ETNK2: variants seen among roughly 807,000 people sequenced by gnomAD.
ETNK2 encodes the protein ethanolamine kinase-like protein.
ETNK2 carries 33 observed loss-of-function variants against 46.2 expected under a neutral mutation model. The ratio of observed to expected loss-of-function variants is 0.71; its 90% CI spans 0.54 to 0.96. The LOEUF (loss-of-function observed/expected upper bound fraction) is 0.96. Among genes scored for constraint, ETNK2 ranks in the 40% least tolerant of loss-of-function variants. ETNK2 has a pLI of 0.00. For missense variants in ETNK2, 445 were observed against 509.7 expected (o/e 0.87, Z 1.22); for synonymous variants, 194 against 209.0 (o/e 0.93, Z 0.62).
At chr1:204,142,648 G>A (rs1327334415) in intron 3 of ETNK2, 2 of 152,262 alleles carry the variant, frequency 1.3e-5, no homozygotes. Context: ...TCTCTGTCCA[G>A]GGTAGCAAGA....
chr1:204,138,104 G>A (rs533519856), intron 5 of ETNK2, among the ~76,000 whole-genome samples: 5 of 152,270 alleles, frequency 3.3e-5, no homozygotes, highest in East Asian at 3.9e-4. Context: ...CTCCAGGAGC[G>A]TGGCTAGAAA....
At chr1:204,133,656 T>C (rs11240673) in intron 7 of ETNK2, among the ~76,000 whole-genome samples, 45,188 of 150,096 alleles carry the variant, frequency 0.3, 6,550 homozygotes, top group East Asian at 0.46. Flanking sequence ...CTCAGCCTCC[T>C]GAGTAGCTGG....
chr1:204,148,916 C>T (rs1233743745), intron 2 of ETNK2, among the ~76,000 whole-genome samples: 1 of 152,212 alleles, frequency 6.6e-6, no homozygotes, highest in Non-Finnish European at 1.5e-5. Flanking sequence ...CCTCAGCCTG[C>T]CTTGGGCCTC....
chr1:204,134,427 A>C, intron 7 of ETNK2, 88 bp downstream of exon 7: 2 of 1,458,956 alleles, frequency 1.4e-6, no homozygotes, highest in South Asian at 2.5e-5. Context: ...GACTCTGGGC[A>C]TTCTGCCTGG....
chr1:204,149,994 G>T, intron 1 of ETNK2, 32 bp from the exon 2 acceptor site: 29 of 568,674 alleles, frequency 5.1e-5, no homozygotes, highest in Non-Finnish European at 8.3e-5. Context: ...GCGTGGGTGG[G>T]TGGGTGGGGC....
intron 2 of ETNK2, 127 bp from the exon 3 acceptor site, chr1:204,146,891 T>A (rs754735254): frequency 1.7e-6 from 2 of 1,159,404 alleles, no homozygotes; most frequent in East Asian, 5.0e-5. Flanking sequence ...AAGGATGGGA[T>A]GATTGCAAGT....
chr1:204,134,312 A>G (rs11240675), intron 7 of ETNK2, among the ~76,000 whole-genome samples: 142,013 of 152,236 alleles, frequency 0.93, 66,638 homozygotes, highest in East Asian at 1. Flanking sequence ...CAGGGAGGAT[A>G]TGACACTTCT....
At chr1:204,137,635 G>C (rs1222088579) in intron 5 of ETNK2, among the ~76,000 whole-genome samples, 1 of 152,178 alleles carries the variant, frequency 6.6e-6, no homozygotes, top group Non-Finnish European at 1.5e-5. Flanking sequence ...ACTAGCCCTA[G>C]GTCTTATGCT....
rs570954657 is a variant in ETNK2 at position 204,137,216 on chromosome 1, G to T, written c.902C>A (p.Ala301Glu). The T allele has an allele frequency of 3.1e-6, 5 of 1,613,770 alleles. No homozygotes were observed. The highest frequency in any genetic ancestry group is 4.2e-6 in the Non-Finnish European group (5 of 1,179,834). Residue 301 changes from alanine (A) to glutamate (E), a missense_variant, in exon 6 of 8, where the codon GCG becomes GAG. Coordinates refer to ENST00000367202, the MANE Select transcript of ETNK2 (RefSeq NM_018208.4). ...VNEVDYCLYPARETQLQWLHY... is the reference protein window; with the variant it reads ...VNEVDYCLYPERETQLQWLHY... The stretch of plus-strand genomic sequence containing the variant: ...CAGCCACTGCAGCTGGGTCTCCCGC[G>T]CCGGGTACAGGCAGTAATCCACCTC...
intron 7 of ETNK2, among the ~76,000 whole-genome samples, chr1:204,132,757 A>AT (rs986280684): frequency 3.3e-5 from 5 of 151,086 alleles, no homozygotes; most frequent in African/African-American, 7.3e-5. Context: ...CTTCAACTAC[A>AT]TTTTTTTTCT....
intron 2 of ETNK2, chr1:204,147,114 G>A: frequency 2.4e-6 from 1 of 415,652 alleles, no homozygotes; most frequent in Non-Finnish European, 4.7e-6. Context: ...GGGCACCTGG[G>A]GATGGGGGCG....
intron 4 of ETNK2, among the ~76,000 whole-genome samples, chr1:204,140,598 C>T (rs1657473177): frequency 1.3e-5 from 2 of 151,642 alleles, no homozygotes; most frequent in African/African-American, 2.4e-5. Context: ...GATCTCGGCT[C>T]ACTGCAACCT....
At chr1:204,133,310 TA>T (rs1279122162) in intron 7 of ETNK2, among the ~76,000 whole-genome samples, 1 of 152,150 alleles carries the variant, frequency 6.6e-6, no homozygotes, top group Non-Finnish European at 1.5e-5. Context: ...GTTACATTTT[TA>T]TTTTTTGAGG....
At chr1:204,139,610 C>A (rs1021622366) in intron 5 of ETNK2, among the ~76,000 whole-genome samples, 6 of 152,200 alleles carry the variant, frequency 3.9e-5, no homozygotes, top group East Asian at 1.9e-4. Flanking sequence ...CTTCCCCATA[C>A]CCTGGCCCTG....
intron 2 of ETNK2, chr1:204,147,341 G>A (rs910051589): frequency 2.4e-4 from 111 of 460,588 alleles, no homozygotes; most frequent in Middle Eastern, 6.7e-4. Flanking sequence ...TGCCAAGGCC[G>A]CAAAACAAGC....
intron 6 of ETNK2, 36 bp from the exon 7 acceptor site, chr1:204,134,624 T>C: frequency 6.2e-7 from 1 of 1,613,964 alleles, no homozygotes; most frequent in Non-Finnish European, 8.5e-7. Flanking sequence ...CCTGGCAATC[T>C]CCCCATGCCT....
At chr1:204,144,095 A>C (rs1366348231) in intron 3 of ETNK2, among the ~76,000 whole-genome samples, 1 of 152,092 alleles carries the variant, frequency 6.6e-6, no homozygotes, top group Non-Finnish European at 1.5e-5. Flanking sequence ...CTGTAATCCC[A>C]GCACTTTAAG....
At chr1:204,148,670 G>A (rs1657888568) in intron 2 of ETNK2, among the ~76,000 whole-genome samples, 1 of 151,910 alleles carries the variant, frequency 6.6e-6, no homozygotes, top group Non-Finnish European at 1.5e-5. Flanking sequence ...CATGGGGGTG[G>A]AAGAGCTCTC....
Position 204,141,664 on chromosome 1 carries a change from G to A in ETNK2, c.642-207C>T, listed in dbSNP as rs1176295202. 5 of 585,472 alleles carry A rather than the reference G, an allele frequency of 8.5e-6. No individual in the cohort carries two copies. In the East Asian group the frequency reaches 1.1e-4, roughly 13 times the overall value. 36.3% of individuals were successfully genotyped at this position (585,472 alleles called of 1,614,324 possible). On this transcript the variant is annotated intron_variant, in intron 3 of 7. Coordinates refer to ENST00000367202, the MANE Select transcript of ETNK2 (RefSeq NM_018208.4). ...CCTTCTGACTCCTCTGGTTATGCTA[G>A]GAAGCTGATAAAGACATGGGCGTCA...
Sources: gnomAD v4.1 joint callset for allele counts (sites outside exome capture counted in the v4.1 genomes callset) on GRCh38, gnomAD v4.1.1 for gene constraint, MANE v1.5 for transcripts, NCBI Gene and HGNC (gene_info 2026-07-23, HGNC 2026-07-21) for gene names.